Variants in GART observed in about 807,000 individuals in gnomAD.
GART encodes phosphoribosylglycinamide formyltransferase, phosphoribosylglycinamide synthetase, phosphoribosylaminoimidazole synthetase.
GART carries 43 observed loss-of-function variants against 107.2 expected under a neutral mutation model. That is an observed-to-expected ratio of 0.40 (90% CI 0.31 to 0.52). The LOEUF (loss-of-function observed/expected upper bound fraction) is 0.52. GART is among the 20% of genes least tolerant of loss of function. The pLI, the probability that GART is intolerant of heterozygous loss-of-function variation, is 0.52. For synonymous variants in GART, 434 were observed against 427.0 expected (o/e 1.02, Z -0.20); for missense variants, 1,107 against 1,206.5 (o/e 0.92, Z 1.22).
At chr21:33,516,265 A>G (rs928337368) in intron 16 of GART, among the ~76,000 whole-genome samples, 143 of 151,454 alleles carry the variant, frequency 9.4e-4, no homozygotes, top group Middle Eastern at 3.4e-3. Context: ...AAAAAAAAAA[A>G]AAAGAAAAGA....
At chr21:33,532,988 GA>G (rs370559862) in intron 4 of GART, among the ~76,000 whole-genome samples, 3 of 148,416 alleles carry the variant, frequency 2.0e-5, no homozygotes, top group Non-Finnish European at 4.5e-5. Flanking sequence ...GGATATGAAT[GA>G]AAAAAAAATG....
chr21:33,504,343 A>G (rs79484401), intron 21 of GART, 28 bp from the exon 22 acceptor site: 5 of 1,612,358 alleles, frequency 3.1e-6, no homozygotes, highest in East Asian at 4.5e-5. Flanking sequence ...AGTTTTGAAC[A>G]TTACCTTCTA....
intron 16 of GART, among the ~76,000 whole-genome samples, chr21:33,512,802 A>G (rs998867045): frequency 6.6e-6 from 1 of 151,966 alleles, no homozygotes; most frequent in African/African-American, 2.4e-5. Context: ...CATGTTGCCC[A>G]GTCTAGTTTT....
At chr21:33,507,656 C>A (rs1226019126) in intron 18 of GART, among the ~76,000 whole-genome samples, 1 of 152,034 alleles carries the variant, frequency 6.6e-6, no homozygotes, top group Non-Finnish European at 1.5e-5. Flanking sequence ...CATGATGAAA[C>A]CCCATCTCTA....
At chr21:33,539,755 G>A (rs907665543) in intron 1 of GART, among the ~76,000 whole-genome samples, 2 of 151,838 alleles carry the variant, frequency 1.3e-5, no homozygotes, top group Admixed American at 6.6e-5. Context: ...TCATACAAAT[G>A]ACATTTTCAT....
chr21:33,505,767 C>T, intron 19 of GART, 65 bp from the exon 20 acceptor site: 1 of 1,435,958 alleles, frequency 7.0e-7, no homozygotes, highest in Non-Finnish European at 9.5e-7. Flanking sequence ...AAAAACTCAA[C>T]CTTTACACAG....
At position 33,539,272 on chromosome 21, in the gene GART, T is replaced by C; in HGVS notation, c.44A>G (p.His15Arg). The change falls in exon 2 of 22, where the codon CAT becomes CGT. Residue 15 changes from histidine (H) to arginine (R), a missense_variant. By Grantham distance (29) the His-to-Arg change is conservative (BLOSUM62 0). Coordinates refer to ENST00000381815, the MANE Select transcript of GART (RefSeq NM_000819.5). ...CTGTGCAAGTTTCCAGGCCAGCGTA[T>C]GTTCCCTTCCTCCACTGCCAATTAT... The part of the protein sequence containing the change: ...VLIIGSGGRE[H>R]TLAWKLAQSH... 6.2e-7 allele frequency: 1 copy of C among 1,614,136 alleles called. No homozygotes were observed. The highest frequency in any genetic ancestry group is 8.5e-7 in the Non-Finnish European group (1 of 1,179,986).
At chr21:33,534,180 AG>A (rs2085256464) in intron 4 of GART, among the ~76,000 whole-genome samples, 1 of 152,130 alleles carries the variant, frequency 6.6e-6, no homozygotes, top group Non-Finnish European at 1.5e-5. Flanking sequence ...CTAAAGACCT[AG>A]CATTACATTT....
chr21:33,506,823 A>G (rs1204716176), intron 18 of GART, among the ~76,000 whole-genome samples: 11 of 152,212 alleles, frequency 7.2e-5, no homozygotes, highest in Admixed American at 7.2e-4. Flanking sequence ...AAGGTGCTCA[A>G]CATCATTATC....
At chr21:33,535,360 C>CA in intron 2 of GART, 40 bp from the exon 3 acceptor site, 2 of 1,210,298 alleles carry the variant, frequency 1.7e-6, no homozygotes, top group Non-Finnish European at 2.3e-6. Flanking sequence ...ACTGCATTTA[C>CA]AAAAACATTC....
At chr21:33,532,880 G>C (rs1268129053) in intron 4 of GART, among the ~76,000 whole-genome samples, 1 of 152,124 alleles carries the variant, frequency 6.6e-6, no homozygotes, top group Admixed American at 6.5e-5. Context: ...CTGGGGGTCT[G>C]GAAGGAGACT....
In GART at chr21:33,539,345, G is replaced by C; in HGVS notation, c.-30C>G. ...CTGTCTGTAAAGCAGAAATTCCAAA[G>C]GAAAATGAAACCTGCAGAAAGAAAA... is the stretch of plus-strand genomic sequence containing the variant. On this transcript the variant is annotated 5_prime_UTR_variant, in exon 2 of 22. Coordinates refer to ENST00000381815, the MANE Select transcript of GART (RefSeq NM_000819.5). 1 of 1,589,184 alleles carries C rather than the reference G, an allele frequency of 6.3e-7. No individual in the cohort carries two copies. Among genetic ancestry groups the C allele is most frequent in the Non-Finnish European group, 8.5e-7 (1 of 1,172,538 alleles).
At chr21:33,521,171 ACATAAT>A (rs762995166) in intron 12 of GART, among the ~76,000 whole-genome samples, 156 bp from the exon 13 acceptor site, 3 of 152,212 alleles carry the variant, frequency 2.0e-5, no homozygotes, top group Non-Finnish European at 2.9e-5. Context: ...CTCAGAGATG[ACATAAT>A]CAAATCAACT....
intron 5 of GART, 85 bp from the exon 6 acceptor site, chr21:33,531,642 C>A: frequency 8.0e-7 from 1 of 1,254,914 alleles, no homozygotes; most frequent in Admixed American, 2.2e-5. Context: ...TAGCATTATC[C>A]AGCATTTGTA....
intron 16 of GART, among the ~76,000 whole-genome samples, chr21:33,515,811 A>G (rs187942410): frequency 7.3e-4 from 111 of 152,096 alleles, no homozygotes; most frequent in Non-Finnish European, 4.4e-5. Flanking sequence ...TGTCTCCACA[A>G]CTCTGCCACA....
intron 1 of GART, among the ~76,000 whole-genome samples, chr21:33,540,642 T>G (rs934075652): frequency 6.6e-6 from 1 of 152,196 alleles, no homozygotes; most frequent in Non-Finnish European, 1.5e-5. Context: ...TATAAATAAG[T>G]ACAATCTGGC....
chr21:33,542,833 C>T, upstream of GART: 1 of 554,666 alleles, frequency 1.8e-6, no homozygotes, highest in South Asian at 2.1e-5. Flanking sequence ...TGTAATGGCG[C>T]CTGCGTCAGA....
intron 10 of GART, among the ~76,000 whole-genome samples, chr21:33,527,481 A>G (rs541651498): frequency 6.6e-4 from 100 of 152,024 alleles, no homozygotes; most frequent in Non-Finnish European, 8.8e-4. Flanking sequence ...TGCCACTGCA[A>G]TCCAGCCTGG....
intron 18 of GART, among the ~76,000 whole-genome samples, chr21:33,507,831 C>A (rs2084709494): frequency 6.6e-6 from 1 of 151,182 alleles, no homozygotes; most frequent in South Asian, 2.1e-4. Context: ...GACTCTATCT[C>A]AAAAACAAAA....
Sources: allele counts gnomAD v4.1 joint callset (sites outside exome capture counted in the v4.1 genomes callset), GRCh38; gene constraint gnomAD v4.1.1; transcripts MANE v1.5; gene names NCBI Gene and HGNC (gene_info 2026-07-23, HGNC 2026-07-21).